Variants in LLPH observed in about 807,000 individuals in gnomAD.
The protein encoded by LLPH is LLP homolog, long-term synaptic facilitation factor.
LLPH carries 5 observed loss-of-function variants against 13.3 expected under a neutral mutation model. That is an observed-to-expected ratio of 0.38 (90% CI 0.20 to 0.79). The LOEUF is 0.79. LLPH is among the 30% of genes least tolerant of loss of function. The pLI, the probability that LLPH is intolerant of heterozygous loss-of-function variation, is 0.45. For synonymous variants in LLPH, 32 were observed against 44.2 expected (o/e 0.72, Z 1.09); for missense variants, 129 against 152.1 (o/e 0.85, Z 0.80).
In LLPH at chr12:66,116,783, A is replaced by C. The variant is rs1179946207; in HGVS notation, c.*7057T>G. The C allele has an allele frequency of 6.6e-6, 1 of 152,266 alleles. No individual in the cohort carries two copies. The highest frequency in any genetic ancestry group is 6.5e-5 in the Admixed American group (1 of 15,288). 9.4% of individuals were successfully genotyped at this position (152,266 alleles called of 1,614,324 possible). A position where few individuals can be genotyped will look rare whatever the true frequency, so the allele number is the denominator to read the frequency against. The stretch of plus-strand genomic sequence containing the variant: ...ATTCCGCATATTAAAAACTTAATGT[A>C]TTATAAAGCTATGCCATTCTTTAAA... On this transcript the variant is annotated 3_prime_UTR_variant, in exon 3 of 3. Transcript: ENST00000266604.
chr12:66,118,220 G>A lies in LLPH; in HGVS notation c.*5620C>T, dbSNP rs1470094783. The A allele has an allele frequency of 2.0e-5, 3 of 152,040 alleles. No homozygotes were observed. Among genetic ancestry groups the A allele is most frequent in the Admixed American group, 6.6e-5 (1 of 15,258 alleles). 9.4% of individuals were successfully genotyped at this position (152,040 alleles called of 1,614,324 possible). A position where few individuals can be genotyped will look rare whatever the true frequency, so the allele number is the denominator to read the frequency against. On this transcript the variant is annotated 3_prime_UTR_variant, in exon 3 of 3. Coordinates refer to ENST00000266604, the MANE Select transcript of LLPH (RefSeq NM_032338.4). The stretch of plus-strand genomic sequence containing the variant: ...CTCTACCAAAAATACAAAATTAGCC[G>A]GCCGTGGTGGTGCATGCCTGTAATC...
At chr12:66,129,205 T>C (rs1333385057) in intron 1 of LLPH, 92 bp from the exon 2 acceptor site, 2 of 804,104 alleles carry the variant, frequency 2.5e-6, no homozygotes, top group African/African-American at 3.5e-5. Flanking sequence ...AACAGGTATC[T>C]CTACAAAACA....
At chr12:66,127,385 C>T (rs2051503971) in intron 2 of LLPH, among the ~76,000 whole-genome samples, 1 of 152,274 alleles carries the variant, frequency 6.6e-6, no homozygotes, top group Middle Eastern at 3.4e-3. Context: ...TTCAAAAGCA[C>T]CATGCTAAGG....
intron 2 of LLPH, 23 bp from the exon 3 acceptor site, chr12:66,124,041 T>C: frequency 6.5e-7 from 1 of 1,542,876 alleles, no homozygotes; most frequent in Non-Finnish European, 8.9e-7. Flanking sequence ...ATGGAAAAAC[T>C]ATTAACACCA....
At position 66,122,514 on chromosome 12, in the gene LLPH, C is replaced by T. The variant is rs576883991; in HGVS notation, c.*1326G>A. 11 of 152,258 alleles carry T rather than the reference C, an allele frequency of 7.2e-5. No individual in the cohort carries two copies. Among genetic ancestry groups the T allele is most frequent in the African/African-American group, 2.6e-4 (11 of 41,544 alleles). 9.4% of individuals were successfully genotyped at this position (152,258 alleles called of 1,614,324 possible). On this transcript the variant is annotated 3_prime_UTR_variant, in exon 3 of 3. Transcript: ENST00000266604. ...GTAAGTATTTGGTTGTTCCAGTTAA[C>T]ATATGAGATGGTTAATCTGATTATA...
rs2051437472 is a variant in LLPH, at chr12:66,117,659, C to A, written c.*6181G>T. 1 of 152,214 alleles carries A rather than the reference C, an allele frequency of 6.6e-6. No individual in the cohort carries two copies. Among genetic ancestry groups the A allele is most frequent in the Non-Finnish European group, 1.5e-5 (1 of 68,048 alleles). 9.4% of individuals were successfully genotyped at this position (152,214 alleles called of 1,614,324 possible). On this transcript the variant is annotated 3_prime_UTR_variant, in exon 3 of 3. Transcript: ENST00000266604. Reference sequence around the variant, plus strand: ...TGACTGTGAACAGCCTCAGGCAGGTCCTCCAGAAGGTATTGCACAAGAAGG... The same window carrying A: ...TGACTGTGAACAGCCTCAGGCAGGTACTCCAGAAGGTATTGCACAAGAAGG...
At chr12:66,126,197 G>A (rs1489948122) in intron 2 of LLPH, among the ~76,000 whole-genome samples, 33 of 151,988 alleles carry the variant, frequency 2.2e-4, no homozygotes, top group Admixed American at 1.2e-3. Flanking sequence ...GATCGCAGGC[G>A]CCTGTAGTCC....
rs1460446958 is a variant in LLPH, at chr12:66,119,518, G to A, written c.*4322C>T. 1 of 152,154 alleles carries A rather than the reference G, an allele frequency of 6.6e-6. No homozygotes were observed. Among genetic ancestry groups the A allele is most frequent in the Non-Finnish European group, 1.5e-5 (1 of 68,018 alleles). The allele number at this position is 152,154 out of a possible 1,614,324, so 9.4% of individuals were successfully genotyped here. On this transcript the variant is annotated 3_prime_UTR_variant, in exon 3 of 3. Coordinates refer to ENST00000266604, the MANE Select transcript of LLPH (RefSeq NM_032338.4). Reference sequence around the variant, plus strand: ...CCACCTCACCCCTAAACATTTCCTTGTAAAATTGGTATGTGTCTACTGCAA... The same window carrying A: ...CCACCTCACCCCTAAACATTTCCTTATAAAATTGGTATGTGTCTACTGCAA...
intron 2 of LLPH, among the ~76,000 whole-genome samples, chr12:66,128,011 C>G (rs1169509720): frequency 6.6e-6 from 1 of 152,168 alleles, no homozygotes; most frequent in Non-Finnish European, 1.5e-5. Flanking sequence ...ACAGACTATA[C>G]AACATTTGAA....
Position 66,119,038 on chromosome 12 carries a change from T to C in LLPH, c.*4802A>G, listed in dbSNP as rs1422494858. On this transcript the variant is annotated 3_prime_UTR_variant, in exon 3 of 3. Transcript: ENST00000266604. ...TTAGAAGGCGCTTCCTTAAATCAAA[T>C]AAAAGTCTGTCTCTCTGTAGCTTTC... is the stretch of plus-strand genomic sequence containing the variant. 2 of 152,198 alleles carry C rather than the reference T, an allele frequency of 1.3e-5. No homozygotes were observed. The highest frequency in any genetic ancestry group is 6.5e-5 in the Admixed American group (1 of 15,290). The allele number at this position is 152,198 out of a possible 1,614,324, so 9.4% of individuals were successfully genotyped here.
intron 2 of LLPH, among the ~76,000 whole-genome samples, chr12:66,127,653 T>C (rs1405479859): frequency 1.3e-5 from 2 of 152,208 alleles, no homozygotes; most frequent in African/African-American, 2.4e-5. Context: ...GTTAATTTTA[T>C]GTTATGTGGA....
chr12:66,118,824 T>A lies in LLPH; in HGVS notation c.*5016A>T, dbSNP rs1303418613. On this transcript the variant is annotated 3_prime_UTR_variant, in exon 3 of 3. Coordinates refer to ENST00000266604, the MANE Select transcript of LLPH (RefSeq NM_032338.4). ...GTTATATGCAAATATTTCACCAGTT[T>A]ATGTAAGCGATTCGAGCATCTGTGG... The A allele has an allele frequency of 6.6e-6, 1 of 152,200 alleles. No homozygotes were observed. The highest frequency in any genetic ancestry group is 1.9e-4 in the East Asian group (1 of 5,186). The allele number at this position is 152,200 out of a possible 1,614,324, so 9.4% of individuals were successfully genotyped here.
Position 66,117,075 on chromosome 12 carries a change from C to T in LLPH, c.*6765G>A, listed in dbSNP as rs973790384. On this transcript the variant is annotated 3_prime_UTR_variant, in exon 3 of 3. Transcript: ENST00000266604. ...ACATTTCAAACATGACAATTTATTACGAGGCATTTTTTTTTGGCTGAAAAG... is the reference window on the plus strand; with the variant it reads ...ACATTTCAAACATGACAATTTATTATGAGGCATTTTTTTTTGGCTGAAAAG... 2.6e-5 allele frequency: 4 copies of T among 152,050 alleles called. No individual in the cohort carries two copies. Among genetic ancestry groups the T allele is most frequent in the African/African-American group, 7.2e-5 (3 of 41,404 alleles). The allele number at this position is 152,050 out of a possible 1,614,324, so 9.4% of individuals were successfully genotyped here.
Position 66,122,234 on chromosome 12 carries a change from T to C in LLPH, c.*1606A>G, listed in dbSNP as rs1021553979. 6.6e-6 allele frequency: 1 copy of C among 152,212 alleles called. No individual in the cohort carries two copies. Among genetic ancestry groups the C allele is most frequent in the African/African-American group, 2.4e-5 (1 of 41,458 alleles). 9.4% of individuals were successfully genotyped at this position (152,212 alleles called of 1,614,324 possible). A position where few individuals can be genotyped will look rare whatever the true frequency, so the allele number is the denominator to read the frequency against. ...TTATAAGCTTAAATTTTCTGAAACATTTGGGTCATGTCCTCTTTATTACAA... is the reference window on the plus strand; with the variant it reads ...TTATAAGCTTAAATTTTCTGAAACACTTGGGTCATGTCCTCTTTATTACAA... On this transcript the variant is annotated 3_prime_UTR_variant, in exon 3 of 3. Coordinates refer to ENST00000266604, the MANE Select transcript of LLPH (RefSeq NM_032338.4).
chr12:66,121,073 A>C lies in LLPH; in HGVS notation c.*2767T>G, dbSNP rs2051459964. ...TTGTTAACTTTCAAGTTAAATCCTG[A>C]ATGGACAAACTTCATGACTGGACAC... On this transcript the variant is annotated 3_prime_UTR_variant, in exon 3 of 3. Coordinates refer to ENST00000266604, the MANE Select transcript of LLPH (RefSeq NM_032338.4). 1 of 152,170 alleles carries C rather than the reference A, an allele frequency of 6.6e-6. No homozygotes were observed. 9.4% of individuals were successfully genotyped at this position (152,170 alleles called of 1,614,324 possible). A position where few individuals can be genotyped will look rare whatever the true frequency, so the allele number is the denominator to read the frequency against.
rs2051477150 is a variant in LLPH at position 66,123,531 on chromosome 12, T to C, written c.*309A>G. On this transcript the variant is annotated 3_prime_UTR_variant, in exon 3 of 3. Transcript: ENST00000266604. Reference sequence around the variant, plus strand: ...TCTGTTTTATCTCTATTGACTATAATTACCAGTTGTAAGAACAATTCTAAC... The same window carrying C: ...TCTGTTTTATCTCTATTGACTATAACTACCAGTTGTAAGAACAATTCTAAC... The C allele has an allele frequency of 6.6e-6, 2 of 303,178 alleles. No homozygotes were observed. The highest frequency in any genetic ancestry group is 1.2e-5 in the Non-Finnish European group (2 of 165,940). 18.8% of individuals were successfully genotyped at this position (303,178 alleles called of 1,614,324 possible). A position where few individuals can be genotyped will look rare whatever the true frequency, so the allele number is the denominator to read the frequency against.
rs1565775759 is a variant in LLPH, at chr12:66,119,406, C to CGG, written c.*4433_*4434insCC. 4 of 152,268 alleles carry CGG rather than the reference C, an allele frequency of 2.6e-5. No homozygotes were observed. The highest frequency in any genetic ancestry group is 5.9e-5 in the Non-Finnish European group (4 of 68,032). The allele number at this position is 152,268 out of a possible 1,614,324, so 9.4% of individuals were successfully genotyped here. A position where few individuals can be genotyped will look rare whatever the true frequency, so the allele number is the denominator to read the frequency against. The stretch of plus-strand genomic sequence containing the variant: ...AAATTTAGGGTTTTGTAAGCAGGCC[C>CGG]AAAAGTGGCCCTGGGCCTCCTGGCT... On this transcript the variant is annotated 3_prime_UTR_variant, in exon 3 of 3. Transcript: ENST00000266604.
At chr12:66,129,449 G>C (rs1275181190) in intron 1 of LLPH, among the ~76,000 whole-genome samples, 1 of 151,106 alleles carries the variant, frequency 6.6e-6, no homozygotes, top group African/African-American at 2.4e-5. Flanking sequence ...GCAGTGGCGC[G>C]ATCTCAGCTC....
rs1344785922 is a variant in LLPH, at chr12:66,119,326, A to G, written c.*4514T>C. The G allele has an allele frequency of 6.6e-6, 1 of 152,110 alleles. No individual in the cohort carries two copies. The highest frequency in any genetic ancestry group is 1.5e-5 in the Non-Finnish European group (1 of 68,020). 9.4% of individuals were successfully genotyped at this position (152,110 alleles called of 1,614,324 possible). A position where few individuals can be genotyped will look rare whatever the true frequency, so the allele number is the denominator to read the frequency against. The stretch of plus-strand genomic sequence containing the variant: ...TTAAGCTTATTTGGCAACACATTGT[A>G]TTTTCTCCCCTGCTCTAAAATAACT... On this transcript the variant is annotated 3_prime_UTR_variant, in exon 3 of 3. Transcript: ENST00000266604.
Sources: gnomAD v4.1 joint callset for allele counts (sites outside exome capture counted in the v4.1 genomes callset) on GRCh38, gnomAD v4.1.1 for gene constraint, MANE v1.5 for transcripts, NCBI Gene and HGNC (gene_info 2026-07-23, HGNC 2026-07-21) for gene names.